Variants in LRPPRC observed in about 807,000 individuals in gnomAD.
LRPPRC encodes leucine rich pentatricopeptide repeat containing, also known as leucine-rich PPR motif-containing protein, mitochondrial.
Under a neutral mutation model 180.3 loss-of-function variants are expected in LRPPRC, and 120 were observed. That is an observed-to-expected ratio of 0.67 (90% CI 0.57 to 0.77). The LOEUF (loss-of-function observed/expected upper bound fraction) is 0.77. LRPPRC is among the 30% of genes least tolerant of loss of function. LRPPRC has a pLI of 0.00. For synonymous variants in LRPPRC, 723 were observed against 600.0 expected, an observed-to-expected ratio of 1.21 and a Z score of -3.00; for missense variants, 2,012 against 1,657.2, an observed-to-expected ratio of 1.21 and a Z score of -3.72.
chr2:43,931,086 C>T (rs1266787135), intron 25 of LRPPRC, among the ~76,000 whole-genome samples: 1 of 151,938 alleles, frequency 6.6e-6, no homozygotes, highest in Non-Finnish European at 1.5e-5. Context: ...TGAAATGTTA[C>T]CATATTAAAG....
intron 7 of LRPPRC, 91 bp downstream of exon 7, chr2:43,975,000 G>C: frequency 7.6e-7 from 1 of 1,307,468 alleles, no homozygotes; most frequent in Non-Finnish European, 1.1e-6. Context: ...TTTGAAAACA[G>C]GTATAAACTT....
chr2:43,906,388 CA>C (rs1210339783), intron 30 of LRPPRC, among the ~76,000 whole-genome samples: 3 of 152,100 alleles, frequency 2.0e-5, no homozygotes, highest in Admixed American at 2.0e-4. Context: ...AAGTTTGAAA[CA>C]AAACACCAAC....
At chr2:43,993,273 T>C (rs1358762503) in intron 1 of LRPPRC, among the ~76,000 whole-genome samples, 1 of 152,204 alleles carries the variant, frequency 6.6e-6, no homozygotes, top group African/African-American at 2.4e-5. Context: ...CTGGTTGACA[T>C]AATTAAGGGT....
Position 43,894,531 on chromosome 2 carries a change from T to G in LRPPRC, c.3985+14A>C. 8.1e-7 allele frequency: 1 copy of G among 1,229,160 alleles called. No individual in the cohort carries two copies. Among genetic ancestry groups the G allele is most frequent in the Non-Finnish European group, 1.2e-6 (1 of 830,002 alleles). The allele number at this position is 1,229,160 out of a possible 1,614,324, so 76.1% of individuals were successfully genotyped here. On this transcript the variant is annotated intron_variant, in intron 36 of 37. Coordinates refer to ENST00000260665, the MANE Select transcript of LRPPRC (RefSeq NM_133259.4). ...ATTTAAATAAATAATATAGTCAAAT[T>G]AAACTTATATTACCATAGCTTTTCA...
intron 12 of LRPPRC, among the ~76,000 whole-genome samples, chr2:43,962,037 C>A (rs1172465896): frequency 6.6e-6 from 1 of 152,128 alleles, no homozygotes; most frequent in African/African-American, 2.4e-5. Context: ...TTTTCAATCC[C>A]AAAACACTCA....
At chr2:43,969,770 A>T (rs961951535) in intron 11 of LRPPRC, among the ~76,000 whole-genome samples, 3 of 152,188 alleles carry the variant, frequency 2.0e-5, no homozygotes, top group South Asian at 4.1e-4. Context: ...TCAAGGCTCA[A>T]TTGCTAAGCT....
Position 43,976,238 on chromosome 2 carries a change from G to C in LRPPRC, c.651-9C>G. On this transcript the variant is annotated splice_polypyrimidine_tract_variant and intron_variant, in intron 5 of 37. Transcript: ENST00000260665. The stretch of plus-strand genomic sequence containing the variant: ...TAAATCCAAGAATCTTGCTGCAAAG[G>C]AAAAACGAAGATACTCATTGAAAGT... The C allele has an allele frequency of 6.9e-7, 1 of 1,457,930 alleles. No homozygotes were observed. The allele number at this position is 1,457,930 out of a possible 1,614,324, so 90.3% of individuals were successfully genotyped here.
In LRPPRC at chr2:43,957,400, A is replaced by T; in HGVS notation, c.1634T>A (p.Leu545Gln). Residue 545 changes from leucine (L) to glutamine (Q), a missense_variant, in exon 14 of 38, where the codon CTG becomes CAG. By Grantham distance (113) the Leu-to-Gln change is moderately radical. Coordinates refer to ENST00000260665, the MANE Select transcript of LRPPRC (RefSeq NM_133259.4). Reference protein sequence around the residue: ...ISLQSIRSSLLLGFRRSMNIN... With the variant: ...ISLQSIRSSLQLGFRRSMNIN... ...ATCATCTTACCTCCTGAAGCCTAGC[A>T]GTAGGCTACTTCTTATAGACTGCAG... 6.2e-7 allele frequency: 1 copy of T among 1,611,524 alleles called. No individual in the cohort carries two copies. The highest frequency in any genetic ancestry group is 8.5e-7 in the Non-Finnish European group (1 of 1,177,624).
chr2:43,911,523 C>CTTCTT (rs1217364053), intron 30 of LRPPRC, among the ~76,000 whole-genome samples: 1 of 92,372 alleles, frequency 1.1e-5, no homozygotes, highest in African/African-American at 4.3e-5. Context: ...TCTTCTTCTT[C>CTTCTT]TTTTTTTTTT....
Position 43,974,764 on chromosome 2 carries a change from G to A in LRPPRC, c.865-6C>T. On this transcript the variant is annotated splice_region_variant and splice_polypyrimidine_tract_variant and intron_variant, in intron 7 of 37. Coordinates refer to ENST00000260665, the MANE Select transcript of LRPPRC (RefSeq NM_133259.4). The stretch of plus-strand genomic sequence containing the variant: ...TTCTCCACCTTCTCCAGAGTCTATA[G>A]AGAGTTCCAGAAATTAGAAGACAAA... 3.1e-6 allele frequency: 5 copies of A among 1,612,586 alleles called. No individual in the cohort carries two copies. Among genetic ancestry groups the A allele is most frequent in the Non-Finnish European group, 4.2e-6 (5 of 1,178,804 alleles).
rs763753043 is a variant in LRPPRC, at chr2:43,982,243, C to A, written c.341G>T (p.Arg114Leu). ...AACAGGAAATTTTGAAATACCTGAG[C>A]GGCAGGTATCATTAAAAACTTTTTG... ...LLQKVFNDTC[R>L]SGGLGGSHAL... Residue 114 changes from arginine (R) to leucine (L), a missense_variant, in exon 2 of 38, where the codon CGC (arginine) becomes CTC (leucine). Arg to Leu is a moderately radical substitution (Grantham distance 102, BLOSUM62 -2). Transcript: ENST00000260665. 3.2e-6 allele frequency: 5 copies of A among 1,564,430 alleles called. No individual in the cohort carries two copies. In the South Asian group the frequency reaches 3.6e-5, roughly 11 times the overall value.
At position 43,945,464 on chromosome 2, in the gene LRPPRC, G is replaced by A. The variant is rs1672647376; in HGVS notation, c.2211-47C>T. 3 of 1,082,576 alleles carry A rather than the reference G, an allele frequency of 2.8e-6. No individual in the cohort carries two copies. The Admixed American group carries it at 5.1e-5, about 18-fold the overall frequency. The allele number at this position is 1,082,576 out of a possible 1,614,324, so 67.1% of individuals were successfully genotyped here. A position where few individuals can be genotyped will look rare whatever the true frequency, so the allele number is the denominator to read the frequency against. ...ATATTGTTTTAAAAGTCAATTAACT[G>A]CTAAAAGAACAGCAACATCCATTTA... On this transcript the variant is annotated intron_variant, in intron 21 of 37. Coordinates refer to ENST00000260665, the MANE Select transcript of LRPPRC (RefSeq NM_133259.4).
chr2:43,947,867 A>T (rs1378387253), intron 18 of LRPPRC, 92 bp from the exon 19 acceptor site: 1 of 822,684 alleles, frequency 1.2e-6, no homozygotes, highest in African/African-American at 1.7e-5. Context: ...GTCTCACCTC[A>T]TATTACTACT....
chr2:43,923,762 T>A (rs1671781042), intron 27 of LRPPRC, among the ~76,000 whole-genome samples: 1 of 151,444 alleles, frequency 6.6e-6, no homozygotes, highest in African/African-American at 2.4e-5. Context: ...CTACTTGAAA[T>A]AATAAGACAT....
chr2:43,901,477 A>G lies in LRPPRC; in HGVS notation c.3412T>C (p.Ser1138Pro). 6.2e-7 allele frequency: 1 copy of G among 1,614,076 alleles called. No homozygotes were observed. The highest frequency in any genetic ancestry group is 8.5e-7 in the Non-Finnish European group (1 of 1,179,908). Residue 1138 changes from serine to proline, a missense_variant, in exon 32 of 38, where the codon TCT becomes CCT. Ser to Pro is a moderately conservative substitution (Grantham distance 74). Transcript: ENST00000260665. ...KTVLDQQQTPSRLAVTRVIQA... is the reference protein window; with the variant it reads ...KTVLDQQQTPPRLAVTRVIQA... ...ATGACACGGGTCACTGCTAACCTAGAAGGGGTCTGCTGCTGATCCAATACT... is the reference window on the plus strand; with the variant it reads ...ATGACACGGGTCACTGCTAACCTAGGAGGGGTCTGCTGCTGATCCAATACT...
At chr2:43,994,083 T>C (rs1460676426) in intron 1 of LRPPRC, among the ~76,000 whole-genome samples, 1 of 151,640 alleles carries the variant, frequency 6.6e-6, no homozygotes, top group Non-Finnish European at 1.5e-5. Flanking sequence ...TAAAAGAAAA[T>C]GTGGACCTTC....
rs779590465 is a variant in LRPPRC at position 43,973,644 on chromosome 2, T to C, written c.1332A>G (p.Pro444=). 6.2e-7 allele frequency: 1 copy of C among 1,614,042 alleles called. No homozygotes were observed. Among genetic ancestry groups the C allele is most frequent in the Non-Finnish European group, 8.5e-7 (1 of 1,179,880 alleles). The change falls in exon 11 of 38, where the codon CCA becomes CCG. Residue 444 remains proline, a synonymous_variant. Transcript: ENST00000260665. ...GFPIRPHYFW[P]LLVGRRKEKN... ...TTTCCTTCCGACGTCCAACTAGCAA[T>C]GGCCAGAAATAGTGAGGTCTGATAG...
Position 43,888,231 on chromosome 2 carries a change from C to A in LRPPRC, c.*369G>T. On this transcript the variant is annotated 3_prime_UTR_variant, in exon 38 of 38. Transcript: ENST00000260665. ...GAAAGTTCACGGTCACTATACCTAGCTCTAAAATTTTTCAGAGAAACAGCA... is the reference window on the plus strand; with the variant it reads ...GAAAGTTCACGGTCACTATACCTAGATCTAAAATTTTTCAGAGAAACAGCA... 3.7e-6 allele frequency: 1 copy of A among 269,448 alleles called. No homozygotes were observed. Among genetic ancestry groups the A allele is most frequent in the Non-Finnish European group, 7.2e-6 (1 of 139,456 alleles). 16.7% of individuals were successfully genotyped at this position (269,448 alleles called of 1,614,324 possible). A position where few individuals can be genotyped will look rare whatever the true frequency, so the allele number is the denominator to read the frequency against.
At chr2:43,948,378 G>C (rs745601877) in intron 17 of LRPPRC, 34 bp downstream of exon 17, 4 of 1,264,106 alleles carry the variant, frequency 3.2e-6, no homozygotes, top group Non-Finnish European at 4.6e-6. Flanking sequence ...TGTCAGGCAG[G>C]ACAGGCATTA....
Sources: allele counts gnomAD v4.1 joint callset (sites outside exome capture counted in the v4.1 genomes callset), GRCh38; gene constraint gnomAD v4.1.1; transcripts MANE v1.5; gene names NCBI Gene and HGNC (gene_info 2026-07-23, HGNC 2026-07-21).